Variants in MACROD2 observed in about 807,000 individuals in gnomAD.
MACROD2 encodes the protein ADP-ribose glycohydrolase MACROD2.
Under a neutral mutation model 70.4 loss-of-function variants are expected in MACROD2, and 36 were observed. The observed-to-expected ratio is 0.51, with a 90% CI of 0.39 to 0.68. The LOEUF (loss-of-function observed/expected upper bound fraction) is 0.68, where lower values mean the gene tolerates loss of function less well. Ranked by LOEUF, MACROD2 falls within the 30% of genes least tolerant of loss-of-function variation. The probability of loss-of-function intolerance (pLI) is 0.00; values close to 1 mark genes in which losing one functional copy is unlikely to be tolerated. For missense variants in MACROD2, 496 were observed against 538.4 expected, an observed-to-expected ratio of 0.92 and a Z score of 0.78; for synonymous variants, 172 against 178.8, an observed-to-expected ratio of 0.96 and a Z score of 0.30.
chr20:15,319,695 G>T (rs2077852023), intron 6 of MACROD2, among the ~76,000 whole-genome samples: 1 of 152,160 alleles, frequency 6.6e-6, no homozygotes. Context: ...GTGCATTGAA[G>T]CACTACGCAC....
intron 5 of MACROD2, among the ~76,000 whole-genome samples, chr20:15,097,104 G>T (rs1037255433): frequency 6.6e-5 from 10 of 152,118 alleles, no homozygotes; most frequent in African/African-American, 2.4e-4. Context: ...GAACCACTGT[G>T]CCCGGTGCTA....
intron 8 of MACROD2, among the ~76,000 whole-genome samples, chr20:15,803,266 T>C (rs1400532337): frequency 6.6e-6 from 1 of 151,974 alleles, no homozygotes; most frequent in Non-Finnish European, 1.5e-5. Context: ...TAATAAAACA[T>C]CAGCAGAGTG....
chr20:15,275,214 A>G (rs1217225591), intron 6 of MACROD2, among the ~76,000 whole-genome samples: 2 of 152,186 alleles, frequency 1.3e-5, no homozygotes, highest in Non-Finnish European at 2.9e-5. Flanking sequence ...AAACTAAACC[A>G]CAAACACACA....
chr20:14,833,434 A>ACAAAGTACC (rs2072993837), intron 5 of MACROD2, among the ~76,000 whole-genome samples: 1 of 152,244 alleles, frequency 6.6e-6, no homozygotes, highest in African/African-American at 2.4e-5. Context: ...CACAGGAGGC[A>ACAAAGTACC]CAAAGTACCC....
chr20:14,415,175 G>A (rs965941403), intron 3 of MACROD2, among the ~76,000 whole-genome samples: 8 of 152,076 alleles, frequency 5.3e-5, no homozygotes, highest in Non-Finnish European at 1.2e-4. Flanking sequence ...ATAAAAACAC[G>A]AAAGGAAGTA....
At chr20:15,812,305 G>A (rs565885711) in intron 8 of MACROD2, among the ~76,000 whole-genome samples, 3 of 152,214 alleles carry the variant, frequency 2.0e-5, no homozygotes, top group Admixed American at 1.3e-4. Flanking sequence ...GATATTTGGG[G>A]CTGTCTAGAC....
At chr20:14,452,144 C>T (rs1446698658) in intron 3 of MACROD2, among the ~76,000 whole-genome samples, 1 of 152,034 alleles carries the variant, frequency 6.6e-6, no homozygotes, top group East Asian at 1.9e-4. Context: ...TTGGAAATTA[C>T]AAGGATAGAA....
intron 8 of MACROD2, among the ~76,000 whole-genome samples, chr20:15,530,208 G>A (rs1162756498): frequency 1.3e-5 from 2 of 152,090 alleles, no homozygotes; most frequent in Admixed American, 6.5e-5. Context: ...GTGGGGAAAT[G>A]GAAACTCATC....
intron 8 of MACROD2, among the ~76,000 whole-genome samples, chr20:15,673,009 CAT>C (rs1568966198): frequency 6.6e-6 from 1 of 152,116 alleles, no homozygotes; most frequent in Non-Finnish European, 1.5e-5. Flanking sequence ...TACCTTCTGC[CAT>C]GATTGTGAGG....
chr20:15,050,533 C>CTTTT lies in MACROD2; in HGVS notation c.419-179384_419-179381dup, dbSNP rs386393390. On this transcript the variant is annotated intron_variant, in intron 5 of 17. Transcript: ENST00000684519. ...GTCTTTTTACACTTTCTATTTAGGTCTTTTTTTTTTTTTTTTTTTTTTTTT... is the reference window on the plus strand; with the variant it reads ...GTCTTTTTACACTTTCTATTTAGGTCTTTTTTTTTTTTTTTTTTTTTTTTTTTTT... 9.0e-4 allele frequency among the ~76,000 whole-genome samples: 70 copies of CTTTT among 77,898 alleles called. 10 individuals carry two copies. The highest frequency in any genetic ancestry group is 2.3e-3 in the African/African-American group (37 of 16,046). 51.1% of individuals were successfully genotyped at this position (77,898 alleles called of 152,430 possible). A position where few individuals can be genotyped will look rare whatever the true frequency, so the allele number is the denominator to read the frequency against.
At chr20:14,452,087 C>T (rs1008433140) in intron 3 of MACROD2, among the ~76,000 whole-genome samples, 4 of 151,960 alleles carry the variant, frequency 2.6e-5, no homozygotes, top group Non-Finnish European at 4.4e-5. Flanking sequence ...GACCCAGAGG[C>T]TTCTGATTCT....
At chr20:14,630,543 G>A (rs1424645755) in intron 4 of MACROD2, among the ~76,000 whole-genome samples, 5 of 152,066 alleles carry the variant, frequency 3.3e-5, no homozygotes, top group Non-Finnish European at 2.9e-5. Flanking sequence ...TCCAAACAAC[G>A]TAAATTATAT....
intron 13 of MACROD2, among the ~76,000 whole-genome samples, chr20:15,968,838 T>TATACAC (rs1417891284): frequency 5.3e-5 from 6 of 113,828 alleles, no homozygotes; most frequent in African/African-American, 2.0e-4. Flanking sequence ...TATATATATA[T>TATACAC]ACACACATAT....
Position 14,847,488 on chromosome 20 carries a change from T to C in MACROD2, c.418+162529T>C, listed in dbSNP as rs915864594. Among the ~76,000 whole-genome samples the C allele has an allele frequency of 1.7e-4, 7 of 42,168 alleles. No homozygotes were observed. In the East Asian group the frequency reaches 3.5e-3, roughly 21 times the overall value. 27.7% of individuals were successfully genotyped at this position (42,168 alleles called of 152,430 possible). ...TCACTTTGAGGAAGTGTTGCCTGTT[T>C]TTTTTTTTTTTTTTTTTGATGTTCA... On this transcript the variant is annotated intron_variant, in intron 5 of 17. Coordinates refer to ENST00000684519, the MANE Select transcript of MACROD2 (RefSeq NM_001351661.2).
chr20:15,509,169 A>G (rs963696652), intron 8 of MACROD2, among the ~76,000 whole-genome samples: 3 of 152,206 alleles, frequency 2.0e-5, no homozygotes, highest in Admixed American at 6.5e-5. Flanking sequence ...TTTGAGAGTC[A>G]CTGTCCTAAA....
At chr20:14,236,821 A>G (rs998313987) in intron 3 of MACROD2, among the ~76,000 whole-genome samples, 1 of 152,134 alleles carries the variant, frequency 6.6e-6, no homozygotes, top group Non-Finnish European at 1.5e-5. Flanking sequence ...AGCATTTTAG[A>G]TACACCATAT....
intron 5 of MACROD2, among the ~76,000 whole-genome samples, chr20:15,098,580 C>T (rs752770842): frequency 6.6e-5 from 10 of 152,332 alleles, no homozygotes; most frequent in Middle Eastern, 3.4e-3. Flanking sequence ...CCAGCTCTAA[C>T]ACTATGCGAG....
intron 5 of MACROD2, among the ~76,000 whole-genome samples, chr20:15,201,577 T>C (rs2145929161): frequency 6.6e-6 from 1 of 152,320 alleles, no homozygotes; most frequent in Middle Eastern, 3.4e-3. Context: ...GTTTGTTACA[T>C]GAAAGAAATT....
At chr20:14,171,814 T>G (rs143357069) in intron 3 of MACROD2, among the ~76,000 whole-genome samples, 1 of 152,304 alleles carries the variant, frequency 6.6e-6, no homozygotes, top group East Asian at 1.9e-4. Flanking sequence ...ATTCTGCAGT[T>G]GTTGGGTAGA....
Sources: allele counts gnomAD v4.1 joint callset (sites outside exome capture counted in the v4.1 genomes callset), GRCh38; gene constraint gnomAD v4.1.1; transcripts MANE v1.5; gene names NCBI Gene and HGNC (gene_info 2026-07-23, HGNC 2026-07-21).